CNTNAP2: variants seen among roughly 807,000 people sequenced by gnomAD.
CNTNAP2 encodes the protein contactin-associated protein-like 2.
In CNTNAP2, 98 loss-of-function variants were observed where a neutral mutation model predicts 155.2. That is an observed-to-expected ratio of 0.63 (90% CI 0.54 to 0.75). The LOEUF (loss-of-function observed/expected upper bound fraction) is 0.75, where lower values mean the gene tolerates loss of function less well. CNTNAP2 is among the 30% of genes least tolerant of loss of function. The probability of loss-of-function intolerance (pLI) is 0.00; values close to 1 mark genes in which losing one functional copy is unlikely to be tolerated. For synonymous variants in CNTNAP2, 651 were observed against 631.2 expected (o/e 1.03, Z -0.47); for missense variants, 1,727 against 1,688.1 (o/e 1.02, Z -0.40).
At chr7:148,052,927 G>A (rs1170605075) in intron 15 of CNTNAP2, among the ~76,000 whole-genome samples, 2 of 152,114 alleles carry the variant, frequency 1.3e-5, no homozygotes, top group African/African-American at 4.8e-5. Context: ...CACGCCTGTA[G>A]TCCCAGCTAC....
intron 4 of CNTNAP2, among the ~76,000 whole-genome samples, chr7:147,066,799 T>A (rs1167006280): frequency 6.6e-6 from 1 of 152,214 alleles, no homozygotes; most frequent in African/African-American, 2.4e-5. Context: ...CAGGTAAGAT[T>A]GCTGTAACAA....
At chr7:148,394,268 T>C (rs1317045177) in intron 22 of CNTNAP2, among the ~76,000 whole-genome samples, 1 of 152,164 alleles carries the variant, frequency 6.6e-6, no homozygotes, top group Non-Finnish European at 1.5e-5. Flanking sequence ...TCCAGCCCCA[T>C]TGGTTGAGGC....
intron 1 of CNTNAP2, among the ~76,000 whole-genome samples, chr7:146,413,730 T>A (rs1200307881): frequency 2.0e-5 from 3 of 152,210 alleles, no homozygotes; most frequent in Non-Finnish European, 4.4e-5. Flanking sequence ...AGATTTCAAC[T>A]ACTCAAATGA....
At chr7:146,955,777 A>AT (rs1355456581) in intron 3 of CNTNAP2, among the ~76,000 whole-genome samples, 9 of 152,004 alleles carry the variant, frequency 5.9e-5, no homozygotes, top group Non-Finnish European at 1.0e-4. Flanking sequence ...TTTTTGTTTG[A>AT]TTTTTTAATT....
intron 15 of CNTNAP2, among the ~76,000 whole-genome samples, chr7:148,095,640 T>C (rs1803949198): frequency 6.6e-6 from 1 of 152,162 alleles, no homozygotes. Flanking sequence ...ATTCTGATGC[T>C]CACCAAAGTT....
intron 1 of CNTNAP2, among the ~76,000 whole-genome samples, chr7:146,705,909 G>A (rs540442824): frequency 6.6e-6 from 1 of 152,046 alleles, no homozygotes; most frequent in African/African-American, 2.4e-5. Flanking sequence ...CTCATTCTTA[G>A]GATTAGGATT....
chr7:147,922,956 A>G (rs562065729), intron 14 of CNTNAP2, among the ~76,000 whole-genome samples: 2 of 151,552 alleles, frequency 1.3e-5, no homozygotes, highest in African/African-American at 4.8e-5. Context: ...TCAAGTGTCC[A>G]GGTTATAGGA....
intron 8 of CNTNAP2, among the ~76,000 whole-genome samples, chr7:147,136,471 C>T (rs1406946172): frequency 6.6e-6 from 1 of 151,850 alleles, no homozygotes; most frequent in Non-Finnish European, 1.5e-5. Flanking sequence ...GTTTTATTTA[C>T]TTTGCTTCTT....
At chr7:147,978,829 C>T (rs181229857) in intron 15 of CNTNAP2, among the ~76,000 whole-genome samples, 3 of 152,066 alleles carry the variant, frequency 2.0e-5, no homozygotes, top group Non-Finnish European at 2.9e-5. Flanking sequence ...AGATTCTGCT[C>T]CCCAAATAGC....
chr7:146,402,361 A>G (rs1036317182), intron 1 of CNTNAP2, among the ~76,000 whole-genome samples: 2 of 152,140 alleles, frequency 1.3e-5, no homozygotes, highest in African/African-American at 4.8e-5. Flanking sequence ...TTTTCTCAAT[A>G]CAAAAGAGAT....
At chr7:146,724,013 T>C (rs1444063266) in intron 1 of CNTNAP2, among the ~76,000 whole-genome samples, 1 of 152,222 alleles carries the variant, frequency 6.6e-6, no homozygotes, top group Non-Finnish European at 1.5e-5. Context: ...GCTAAAAAAG[T>C]TGTTTTCTGG....
At chr7:146,932,102 C>G (rs529724987) in intron 3 of CNTNAP2, among the ~76,000 whole-genome samples, 3 of 151,864 alleles carry the variant, frequency 2.0e-5, no homozygotes, top group African/African-American at 7.3e-5. Context: ...CCAGCATCAT[C>G]CTGATACCAA....
At chr7:146,357,915 C>T (rs1290647603) in intron 1 of CNTNAP2, among the ~76,000 whole-genome samples, 2 of 151,406 alleles carry the variant, frequency 1.3e-5, no homozygotes, top group South Asian at 2.1e-4. Flanking sequence ...GAATGCACCC[C>T]GCCCCCCGCC....
intron 1 of CNTNAP2, among the ~76,000 whole-genome samples, chr7:146,754,533 AGTCTCTCTCTCTCTCTCTCT>A (rs950313589): frequency 2.9e-5 from 4 of 139,378 alleles, no homozygotes; most frequent in Admixed American, 6.9e-5. Context: ...AGGTTGTTAG[AGTCTCTCTCTCTCTCTCTCT>A]GTCTCTCTCT....
intron 3 of CNTNAP2, among the ~76,000 whole-genome samples, chr7:146,930,628 G>T (rs1347235408): frequency 6.6e-6 from 1 of 152,140 alleles, no homozygotes; most frequent in Admixed American, 6.5e-5. Flanking sequence ...CCAATTAAAA[G>T]ACACAGACTG....
chr7:146,983,903 T>C (rs772526921), intron 3 of CNTNAP2, among the ~76,000 whole-genome samples: 1 of 152,202 alleles, frequency 6.6e-6, no homozygotes, highest in African/African-American at 2.4e-5. Flanking sequence ...TAAATACCCA[T>C]GGTGAAAAAG....
At chr7:147,662,961 T>G (rs75546301) in intron 13 of CNTNAP2, among the ~76,000 whole-genome samples, 7,619 of 152,252 alleles carry the variant, frequency 0.05, 632 homozygotes, top group African/African-American at 0.17. Context: ...AGAGCGTGAT[T>G]TTTTTTGTCT....
intron 15 of CNTNAP2, among the ~76,000 whole-genome samples, chr7:148,007,269 A>G (rs1055840963): frequency 2.7e-5 from 4 of 147,378 alleles, no homozygotes; most frequent in African/African-American, 9.8e-5. Flanking sequence ...ACTTCGTTGT[A>G]CTTGGGGGAT....
Position 147,919,084 on chromosome 7 carries a change from A to G in CNTNAP2, c.2255+15363A>G, listed in dbSNP as rs539536940. Among the ~76,000 whole-genome samples, 6 of 152,242 alleles carry G rather than the reference A, an allele frequency of 3.9e-5. No homozygotes were observed. In the South Asian group the frequency reaches 1.0e-3, roughly 26 times the overall value. On this transcript the variant is annotated intron_variant, in intron 14 of 23. Transcript: ENST00000361727. Reference sequence around the variant, plus strand: ...ACAGTAGTAGGCTCAGAGAGATGCTATATTGCTGGCTTTGAAGGTGGAGGA... The same window carrying G: ...ACAGTAGTAGGCTCAGAGAGATGCTGTATTGCTGGCTTTGAAGGTGGAGGA...
Sources: gnomAD v4.1 joint callset for allele counts (sites outside exome capture counted in the v4.1 genomes callset) on GRCh38, gnomAD v4.1.1 for gene constraint, MANE v1.5 for transcripts, NCBI Gene and HGNC (gene_info 2026-07-23, HGNC 2026-07-21) for gene names.